The following PID1 variants were observed in gnomAD, a reference collection of about 807,000 sequenced individuals.
PID1 encodes the protein PTB-containing, cubilin and LRP1-interacting protein.
PID1 carries 10 observed loss-of-function variants against 19.1 expected under a neutral mutation model. That is an observed-to-expected ratio of 0.52 (90% CI 0.32 to 0.89). The LOEUF (loss-of-function observed/expected upper bound fraction) is 0.89. Ranked by LOEUF, PID1 falls within the 40% of genes least tolerant of loss-of-function variation. The pLI is 0.03. For synonymous variants in PID1, 130 were observed against 116.0 expected, an observed-to-expected ratio of 1.12 and a Z score of -0.78; for missense variants, 248 against 285.3, an observed-to-expected ratio of 0.87 and a Z score of 0.94.
intron 2 of PID1, among the ~76,000 whole-genome samples, chr2:229,027,490 C>T (rs1693449487): frequency 6.6e-6 from 1 of 152,152 alleles, no homozygotes; most frequent in African/African-American, 2.4e-5. Context: ...ACAAAACTCT[C>T]ACCCTTGGCA....
At chr2:229,231,969 T>G (rs988892560) in intron 1 of PID1, 5 of 1,550,500 alleles carry the variant, frequency 3.2e-6, no homozygotes, top group Non-Finnish European at 3.5e-6. Context: ...GCGGGCTTGT[T>G]TGATTGTCTT....
chr2:229,065,017 G>A lies in PID1; in HGVS notation c.178-38909C>T, dbSNP rs181101267. Among the ~76,000 whole-genome samples the A allele has an allele frequency of 4.2e-4, 64 of 152,224 alleles. 1 individual carries two copies. Among genetic ancestry groups the A allele is most frequent in the Admixed American group, 3.5e-3 (53 of 15,280 alleles). Reference sequence around the variant, plus strand: ...CCTTTTAAGTGAGGCAGGCTCAAGAGAGTGATAACCAGATGCCAATCACTG... The same window carrying A: ...CCTTTTAAGTGAGGCAGGCTCAAGAAAGTGATAACCAGATGCCAATCACTG... On this transcript the variant is annotated intron_variant, in intron 2 of 2. Transcript: ENST00000392055.
At chr2:229,058,527 C>A (rs1053577063) in intron 2 of PID1, among the ~76,000 whole-genome samples, 4 of 152,274 alleles carry the variant, frequency 2.6e-5, no homozygotes, top group Admixed American at 2.6e-4. Flanking sequence ...GCCGCCCCTG[C>A]TGGCATGCAT....
chr2:229,236,286 A>AG (rs1445885706), intron 1 of PID1: 2 of 152,186 alleles, frequency 1.3e-5, no homozygotes, highest in African/African-American at 4.8e-5. Context: ...AAGAAAAGTG[A>AG]GGAACAGAAG....
chr2:229,122,337 G>A (rs1226636581), intron 2 of PID1, among the ~76,000 whole-genome samples: 1 of 152,136 alleles, frequency 6.6e-6, no homozygotes, highest in Non-Finnish European at 1.5e-5. Flanking sequence ...GGCCTTAGCA[G>A]GCATATCCCC....
intron 1 of PID1, among the ~76,000 whole-genome samples, chr2:229,160,062 G>A (rs1191725319): frequency 1.3e-5 from 2 of 152,192 alleles, no homozygotes; most frequent in East Asian, 3.9e-4. Context: ...TATCTCCCCT[G>A]TCTGCCATTT....
At chr2:229,199,298 T>C (rs1691441779) in intron 1 of PID1, among the ~76,000 whole-genome samples, 2 of 152,086 alleles carry the variant, frequency 1.3e-5, no homozygotes, top group Admixed American at 1.3e-4. Context: ...CCAACTGATG[T>C]TATGTTGTTA....
At chr2:229,176,853 A>G (rs1237701124) in intron 1 of PID1, among the ~76,000 whole-genome samples, 2 of 152,190 alleles carry the variant, frequency 1.3e-5, no homozygotes, top group African/African-American at 2.4e-5. Flanking sequence ...CCTGAATTTG[A>G]ATCCTGGTTC....
intron 1 of PID1, among the ~76,000 whole-genome samples, chr2:229,260,238 T>C (rs1403116266): frequency 2.0e-5 from 3 of 151,950 alleles, no homozygotes; most frequent in Non-Finnish European, 2.9e-5. Context: ...TAGGTCAGGA[T>C]AGACACAAAA....
intron 1 of PID1, chr2:229,231,842 C>A: frequency 6.5e-7 from 1 of 1,539,394 alleles, no homozygotes; most frequent in Non-Finnish European, 8.8e-7. Context: ...CTTTTACCTC[C>A]TTGTCTTAAT....
At chr2:229,226,413 T>G (rs908248882) in intron 1 of PID1, among the ~76,000 whole-genome samples, 1 of 152,212 alleles carries the variant, frequency 6.6e-6, no homozygotes. Flanking sequence ...AATCCAGCAG[T>G]AAAATGAACA....
At chr2:229,236,344 A>T (rs1689676610) in intron 1 of PID1, 1 of 152,126 alleles carries the variant, frequency 6.6e-6, no homozygotes, top group African/African-American at 2.4e-5. Flanking sequence ...AGGTCAAAAA[A>T]CTTGCAAGAG....
chr2:229,236,796 T>C (rs4973180), intron 1 of PID1, among the ~76,000 whole-genome samples: 23,277 of 151,958 alleles, frequency 0.15, 2,064 homozygotes, highest in Admixed American at 0.25. Flanking sequence ...ACAGTAATTA[T>C]CACAGAGCAG....
At chr2:229,059,815 C>T (rs939757683) in intron 2 of PID1, among the ~76,000 whole-genome samples, 1 of 152,096 alleles carries the variant, frequency 6.6e-6, no homozygotes, top group Admixed American at 6.5e-5. Context: ...TCAATATTTA[C>T]AGAGCACAGA....
At chr2:229,035,303 T>G (rs959998632) in intron 2 of PID1, among the ~76,000 whole-genome samples, 22 of 152,184 alleles carry the variant, frequency 1.4e-4, no homozygotes, top group African/African-American at 5.3e-4. Context: ...GCTTCTAGAC[T>G]GATTTCTGAC....
intron 1 of PID1, among the ~76,000 whole-genome samples, chr2:229,168,548 CATGGTTTTTATCTCTT>C (rs1304983282): frequency 6.6e-6 from 1 of 152,284 alleles, no homozygotes; most frequent in Admixed American, 6.5e-5. Context: ...CTGTTTCTTA[CATGGTTTTTATCTCTT>C]TGCTGAAATT....
chr2:229,143,678 G>C (rs1483378202), intron 2 of PID1, among the ~76,000 whole-genome samples: 2 of 152,132 alleles, frequency 1.3e-5, no homozygotes, highest in African/African-American at 4.8e-5. Flanking sequence ...CATGTGTCAA[G>C]GGAGGGACCT....
At chr2:229,216,927 T>G (rs1200152417) in intron 1 of PID1, among the ~76,000 whole-genome samples, 1 of 152,260 alleles carries the variant, frequency 6.6e-6, no homozygotes, top group Non-Finnish European at 1.5e-5. Flanking sequence ...ATTTCTTAAA[T>G]AAGCAGATAA....
chr2:229,084,972 T>C (rs1694737317), intron 2 of PID1, among the ~76,000 whole-genome samples: 2 of 152,192 alleles, frequency 1.3e-5, no homozygotes, highest in Non-Finnish European at 1.5e-5. Flanking sequence ...CACCTCTTTT[T>C]AAAACTATGT....
Sources: allele counts gnomAD v4.1 joint callset (sites outside exome capture counted in the v4.1 genomes callset), GRCh38; gene constraint gnomAD v4.1.1; transcripts MANE v1.5; gene names NCBI Gene and HGNC (gene_info 2026-07-23, HGNC 2026-07-21).